VSTM4: variants seen among roughly 807,000 people sequenced by gnomAD.
VSTM4 encodes the protein V-set and transmembrane domain-containing protein 4.
A neutral mutation model predicts 36.4 loss-of-function variants in VSTM4; 20 were observed. That is an observed-to-expected ratio of 0.55 (90% CI 0.39 to 0.80). VSTM4 has a LOEUF of 0.80. VSTM4 is among the 30% of genes least tolerant of loss of function. VSTM4 has a pLI of 0.00. For synonymous variants in VSTM4, 182 were observed against 173.9 expected, an observed-to-expected ratio of 1.05 and a Z score of -0.37; for missense variants, 392 against 404.5, an observed-to-expected ratio of 0.97 and a Z score of 0.26.
chr10:49,112,180 A>G (rs1189236410), intron 1 of VSTM4, among the ~76,000 whole-genome samples: 1 of 152,164 alleles, frequency 6.6e-6, no homozygotes, highest in Non-Finnish European at 1.5e-5. Flanking sequence ...TTGAAGGAGG[A>G]ATATAACAAA....
chr10:49,111,410 C>T (rs563911629), intron 1 of VSTM4, among the ~76,000 whole-genome samples: 57 of 152,264 alleles, frequency 3.7e-4, no homozygotes, highest in Admixed American at 1.4e-3. Flanking sequence ...AGCCCAGGCT[C>T]TTCCCTCTGG....
chr10:49,106,325 A>T (rs1590137303), intron 2 of VSTM4, among the ~76,000 whole-genome samples: 1 of 152,196 alleles, frequency 6.6e-6, no homozygotes, highest in East Asian at 1.9e-4. Context: ...GTACTTTGTG[A>T]TCCTCTTGAT....
Position 49,107,771 on chromosome 10 carries a change from C to T in VSTM4, c.280G>A (p.Ala94Thr), listed in dbSNP as rs376757983. The T allele has an allele frequency of 2.4e-5, 39 of 1,614,110 alleles. No homozygotes were observed. In the East Asian group the frequency reaches 3.6e-4, roughly 15 times the overall value. ...AGCAGGCGCAGCCTCCGCCGTTTGG[C>T]GCTGCGGCTGAAATTCCCATAGTAC... Reference protein sequence around the residue: ...VQYYGNFSRSAKRRRLRLLEE... With the variant: ...VQYYGNFSRSTKRRRLRLLEE... The change falls in exon 2 of 8, where the codon GCC becomes ACC. Residue 94 changes from alanine (A) to threonine (T), a missense_variant. By Grantham distance (58) the Ala-to-Thr change is moderately conservative. Transcript: ENST00000332853.
intron 7 of VSTM4, among the ~76,000 whole-genome samples, chr10:49,021,432 C>CTAT (rs1843180553): frequency 6.6e-6 from 1 of 151,890 alleles, no homozygotes; most frequent in East Asian, 1.9e-4. Flanking sequence ...AAAACAGTCT[C>CTAT]TAAATAAAAT....
rs10542377 is a variant in VSTM4 at position 49,016,118 on chromosome 10, T to TTTTG, written c.*3528_*3531dup. 1 of 151,442 alleles carries TTTTG rather than the reference T, an allele frequency of 6.6e-6. No homozygotes were observed. Among genetic ancestry groups the TTTTG allele is most frequent in the African/African-American group, 2.4e-5 (1 of 41,124 alleles). 9.4% of individuals were successfully genotyped at this position (151,442 alleles called of 1,614,324 possible). On this transcript the variant is annotated 3_prime_UTR_variant, in exon 8 of 8. Transcript: ENST00000332853. ...GGCACCCTGGGTACTGATATCAGTA[T>TTTTG]TTTGTTTGTTTGTTTGTTTGTTTGT...
intron 5 of VSTM4, among the ~76,000 whole-genome samples, chr10:49,059,441 A>G (rs1465567963): frequency 6.6e-6 from 1 of 152,210 alleles, no homozygotes; most frequent in Non-Finnish European, 1.5e-5. Context: ...AATGTCCACC[A>G]GGCTGGAATG....
chr10:49,051,870 C>A (rs919106238), intron 5 of VSTM4, among the ~76,000 whole-genome samples: 3 of 151,818 alleles, frequency 2.0e-5, no homozygotes, highest in African/African-American at 7.3e-5. Context: ...AATTTTCAAC[C>A]CTTCCTTGTT....
intron 7 of VSTM4, among the ~76,000 whole-genome samples, chr10:49,032,878 G>C (rs74622742): frequency 6.6e-6 from 1 of 150,902 alleles, no homozygotes; most frequent in Non-Finnish European, 1.5e-5. Context: ...AAGACAGAGA[G>C]AGAGAGAGAG....
chr10:49,099,149 A>G (rs1844623778), intron 2 of VSTM4, among the ~76,000 whole-genome samples: 1 of 152,210 alleles, frequency 6.6e-6, no homozygotes, highest in Non-Finnish European at 1.5e-5. Context: ...TACCTACGAC[A>G]CAATCACCTC....
At chr10:49,040,799 G>T (rs536771141) in intron 7 of VSTM4, among the ~76,000 whole-genome samples, 3 of 152,124 alleles carry the variant, frequency 2.0e-5, no homozygotes, top group African/African-American at 7.2e-5. Context: ...CACAATAGGC[G>T]CCCAATAAAT....
At chr10:49,093,143 G>A (rs983648328) in intron 2 of VSTM4, among the ~76,000 whole-genome samples, 8 of 152,184 alleles carry the variant, frequency 5.3e-5, no homozygotes, top group Admixed American at 1.3e-4. Flanking sequence ...TTGAGACTAG[G>A]TGGAGGGTCT....
At position 49,037,244 on chromosome 10, in the gene VSTM4, T is replaced by A. The variant is rs550111588; in HGVS notation, c.837+9739A>T. On this transcript the variant is annotated intron_variant, in intron 7 of 7. Coordinates refer to ENST00000332853, the MANE Select transcript of VSTM4 (RefSeq NM_001031746.5). ...GGGTGGCAGCGGCTCTGGATCCTGATAGCGTCGACCCCACCAGAGGTGCCT... is the reference window on the plus strand; with the variant it reads ...GGGTGGCAGCGGCTCTGGATCCTGAAAGCGTCGACCCCACCAGAGGTGCCT... Among the ~76,000 whole-genome samples, 4 of 152,350 alleles carry A rather than the reference T, an allele frequency of 2.6e-5. No individual in the cohort carries two copies. The South Asian group carries it at 8.3e-4, about 32-fold the overall frequency.
At chr10:49,051,210 C>T (rs1843692569) in intron 5 of VSTM4, among the ~76,000 whole-genome samples, 1 of 152,074 alleles carries the variant, frequency 6.6e-6, no homozygotes, top group South Asian at 2.1e-4. Context: ...CCTATTCATC[C>T]CTCCCTCTAC....
chr10:49,055,497 C>T (rs924691007), intron 5 of VSTM4, among the ~76,000 whole-genome samples: 3 of 152,186 alleles, frequency 2.0e-5, no homozygotes, highest in South Asian at 2.1e-4. Context: ...GGTGGCAATT[C>T]GTTGCCATCT....
At chr10:49,035,569 C>A (rs946459545) in intron 7 of VSTM4, among the ~76,000 whole-genome samples, 1 of 150,612 alleles carries the variant, frequency 6.6e-6, no homozygotes, top group African/African-American at 2.4e-5. Flanking sequence ...TGCAGTGGCT[C>A]ACACCTGTAA....
intron 7 of VSTM4, among the ~76,000 whole-genome samples, chr10:49,039,255 G>A (rs887861825): frequency 1.3e-5 from 2 of 152,054 alleles, no homozygotes; most frequent in African/African-American, 4.8e-5. Flanking sequence ...GACCAATTGG[G>A]GTCTCAGCAG....
intron 4 of VSTM4, among the ~76,000 whole-genome samples, chr10:49,065,210 C>T (rs985508536): frequency 9.2e-5 from 14 of 152,210 alleles, no homozygotes; most frequent in African/African-American, 3.1e-4. Context: ...AAAACCTCCT[C>T]CTACAGGAAA....
chr10:49,039,475 C>G (rs144926704), intron 7 of VSTM4, among the ~76,000 whole-genome samples: 49 of 152,194 alleles, frequency 3.2e-4, no homozygotes, highest in African/African-American at 8.9e-4. Flanking sequence ...CAAGCGCTTC[C>G]CTGGGAAACG....
In VSTM4 at chr10:49,018,681, T is replaced by A. The variant is rs886285858; in HGVS notation, c.*969A>T. On this transcript the variant is annotated 3_prime_UTR_variant, in exon 8 of 8. Coordinates refer to ENST00000332853, the MANE Select transcript of VSTM4 (RefSeq NM_001031746.5). ...GCACCCTGACCCCCATTCAAACCCA[T>A]TAGAATTCACACACAAGGTTGCAAT... is the stretch of plus-strand genomic sequence containing the variant. The A allele has an allele frequency of 6.6e-6, 1 of 152,166 alleles. No individual in the cohort carries two copies. Among genetic ancestry groups the A allele is most frequent in the Non-Finnish European group, 1.5e-5 (1 of 68,028 alleles). 9.4% of individuals were successfully genotyped at this position (152,166 alleles called of 1,614,324 possible). A position where few individuals can be genotyped will look rare whatever the true frequency, so the allele number is the denominator to read the frequency against.
Sources: gnomAD v4.1 joint callset for allele counts (sites outside exome capture counted in the v4.1 genomes callset) on GRCh38, gnomAD v4.1.1 for gene constraint, MANE v1.5 for transcripts, NCBI Gene and HGNC (gene_info 2026-07-23, HGNC 2026-07-21) for gene names.